The following DPP10 variants were observed in gnomAD, a reference collection of about 807,000 sequenced individuals.
The protein encoded by DPP10 is dipeptidyl peptidase like 10, also known as inactive dipeptidyl peptidase 10.
DPP10 carries 33 observed loss-of-function variants against 120.9 expected under a neutral mutation model. The ratio of observed to expected loss-of-function variants is 0.27; its 90% CI spans 0.21 to 0.37. DPP10 has a LOEUF of 0.37. Ranked by LOEUF, DPP10 falls within the 10% of genes least tolerant of loss-of-function variation. DPP10 has a pLI of 1.00. For missense variants in DPP10, 816 were observed against 942.8 expected (o/e 0.87, Z 1.76); for synonymous variants, 337 against 326.1 (o/e 1.03, Z -0.36).
At chr2:115,599,950 C>T (rs1459427776) in intron 5 of DPP10, among the ~76,000 whole-genome samples, 1 of 152,072 alleles carries the variant, frequency 6.6e-6, no homozygotes, top group Non-Finnish European at 1.5e-5. Flanking sequence ...CAGGAACTTA[C>T]CTTGAGTTTA....
chr2:114,770,533 G>A (rs1049948156), intron 1 of DPP10, among the ~76,000 whole-genome samples: 6 of 152,070 alleles, frequency 3.9e-5, no homozygotes, highest in South Asian at 2.1e-4. Flanking sequence ...GCACCGTGCC[G>A]TAAAACCAAA....
chr2:114,470,433 A>T (rs1679813009), intron 1 of DPP10, among the ~76,000 whole-genome samples: 1 of 152,204 alleles, frequency 6.6e-6, no homozygotes, highest in African/African-American at 2.4e-5. Flanking sequence ...TTAAAGCTGA[A>T]GTTTCAAGTC....
intron 3 of DPP10, among the ~76,000 whole-genome samples, chr2:115,425,625 G>A (rs1008162112): frequency 2.6e-5 from 4 of 152,176 alleles, no homozygotes; most frequent in African/African-American, 9.7e-5. Flanking sequence ...TGTAGTATAT[G>A]TTGAAAATTA....
intron 1 of DPP10, among the ~76,000 whole-genome samples, chr2:114,642,773 C>A (rs1029109348): frequency 4.0e-5 from 6 of 151,824 alleles, no homozygotes; most frequent in Admixed American, 6.5e-5. Context: ...CTGCTTAACA[C>A]AGAAATCATC....
chr2:115,284,083 C>T (rs536081567), intron 1 of DPP10, among the ~76,000 whole-genome samples: 9 of 152,042 alleles, frequency 5.9e-5, no homozygotes, highest in African/African-American at 2.2e-4. Flanking sequence ...GTGATCATTT[C>T]CCAGTTACAA....
intron 11 of DPP10, among the ~76,000 whole-genome samples, chr2:115,754,668 C>T (rs1679175597): frequency 6.6e-6 from 1 of 152,096 alleles, no homozygotes; most frequent in Non-Finnish European, 1.5e-5. Context: ...AACAATGTAG[C>T]ATTTATAATG....
intron 5 of DPP10, among the ~76,000 whole-genome samples, chr2:115,667,171 A>G (rs1161786535): frequency 6.6e-6 from 1 of 152,006 alleles, no homozygotes; most frequent in Admixed American, 6.6e-5. Flanking sequence ...GTGTTTGTTC[A>G]TGTCCTTTGC....
intron 7 of DPP10, among the ~76,000 whole-genome samples, chr2:115,704,805 A>C (rs974724064): frequency 1.3e-5 from 2 of 151,998 alleles, no homozygotes; most frequent in Non-Finnish European, 2.9e-5. Context: ...TTTTATGCTG[A>C]GATCTAAAAT....
At chr2:115,551,346 A>G (rs1358400768) in intron 5 of DPP10, among the ~76,000 whole-genome samples, 1 of 152,152 alleles carries the variant, frequency 6.6e-6, no homozygotes, top group African/African-American at 2.4e-5. Flanking sequence ...TATGGCTATG[A>G]TATGGGTAGC....
intron 5 of DPP10, among the ~76,000 whole-genome samples, chr2:115,541,432 T>G (rs1404066975): frequency 6.6e-6 from 1 of 151,766 alleles, no homozygotes; most frequent in African/African-American, 2.4e-5. Context: ...CCAAGAAGTT[T>G]CAAACAGCAC....
chr2:115,802,684 A>G (rs1431447944), intron 19 of DPP10, among the ~76,000 whole-genome samples: 1 of 152,074 alleles, frequency 6.6e-6, no homozygotes, highest in Non-Finnish European at 1.5e-5. Context: ...TCATTTCGTT[A>G]TGTACCCAGT....
chr2:114,463,822 T>A (rs1217220081), intron 1 of DPP10, among the ~76,000 whole-genome samples: 1 of 152,200 alleles, frequency 6.6e-6, no homozygotes, highest in Non-Finnish European at 1.5e-5. Context: ...CCAAACCCCT[T>A]CAAATCTCTG....
At chr2:114,908,645 T>C (rs997986841) in intron 1 of DPP10, among the ~76,000 whole-genome samples, 6 of 151,890 alleles carry the variant, frequency 4.0e-5, no homozygotes, top group Non-Finnish European at 1.5e-5. Flanking sequence ...TAAGCTTTTT[T>C]AGGAGGCAAG....
At chr2:114,769,454 C>A (rs2106142813) in intron 1 of DPP10, among the ~76,000 whole-genome samples, 1 of 152,268 alleles carries the variant, frequency 6.6e-6, no homozygotes, top group Non-Finnish European at 1.5e-5. Flanking sequence ...GGGAAGCTAG[C>A]ATCAGTGAGG....
intron 1 of DPP10, among the ~76,000 whole-genome samples, chr2:114,664,109 A>G (rs532766173): frequency 2.6e-5 from 4 of 152,122 alleles, no homozygotes; most frequent in African/African-American, 2.4e-5. Context: ...TGGTTGGCCA[A>G]TCCAGAGCAT....
chr2:114,665,762 C>T (rs1697875307), intron 1 of DPP10, among the ~76,000 whole-genome samples: 1 of 152,008 alleles, frequency 6.6e-6, no homozygotes, highest in Non-Finnish European at 1.5e-5. Flanking sequence ...AAAAACAGAT[C>T]AATGAACTGG....
At chr2:114,731,867 G>C (rs941307377) in intron 1 of DPP10, among the ~76,000 whole-genome samples, 3 of 152,170 alleles carry the variant, frequency 2.0e-5, no homozygotes, top group African/African-American at 7.2e-5. Flanking sequence ...ATGCATTCAT[G>C]TTATAACTTA....
chr2:114,589,251 A>G (rs1482677468), intron 1 of DPP10, among the ~76,000 whole-genome samples: 1 of 152,140 alleles, frequency 6.6e-6, no homozygotes, highest in African/African-American at 2.4e-5. Context: ...AAGTTCTGGG[A>G]GTAATTCCTG....
At chr2:115,200,657 A>G (rs2055639781) in intron 1 of DPP10, among the ~76,000 whole-genome samples, 1 of 152,182 alleles carries the variant, frequency 6.6e-6, no homozygotes, top group African/African-American at 2.4e-5. Flanking sequence ...TCTCTTGTCA[A>G]TGCCTTTTGA....
Sources: allele counts gnomAD v4.1 joint callset (sites outside exome capture counted in the v4.1 genomes callset), GRCh38; gene constraint gnomAD v4.1.1; transcripts MANE v1.5; gene names NCBI Gene and HGNC (gene_info 2026-07-23, HGNC 2026-07-21).